PUDP: variants seen among roughly 807,000 people sequenced by gnomAD.
PUDP encodes the protein pseudouridine-5'-phosphatase.
In PUDP, 8 loss-of-function variants were observed where a neutral mutation model predicts 9.4. The observed-to-expected ratio is 0.85, with a 90% CI of 0.50 to 1.53. The LOEUF is 1.53. Among genes scored for constraint, PUDP ranks in the 40% most tolerant of loss-of-function variants. PUDP has a pLI of 0.00. For missense variants in PUDP, 188 were observed against 189.7 expected (o/e 0.99, Z 0.05); for synonymous variants, 99 against 80.7 (o/e 1.23, Z -1.22).
Position 6,731,310 on chromosome X carries a change from C to T in PUDP, c.*248-24844G>A, listed in dbSNP as rs188645456. On this transcript the variant is annotated intron_variant and NMD_transcript_variant, in intron 3 of 3. Coordinates refer to the PUDP transcript ENST00000655425. Reference sequence around the variant, plus strand: ...CTGATCTTGACCTACTGGCCTCAAACAATCCTCTCACCACAGCCTCCCAAA... The same window carrying T: ...CTGATCTTGACCTACTGGCCTCAAATAATCCTCTCACCACAGCCTCCCAAA... Among the ~76,000 whole-genome samples, 4 of 111,505 alleles carry T rather than the reference C, an allele frequency of 3.6e-5. No homozygotes were observed. In the East Asian group the frequency reaches 8.5e-4, roughly 24 times the overall value.
At chrX:6,719,385 G>A (rs1052691561) in intron 1 of PUDP, among the ~76,000 whole-genome samples, 1 of 111,819 alleles carries the variant, frequency 8.9e-6, no homozygotes, top group African/African-American at 3.3e-5. Context: ...GTCACATTGC[G>A]GGGTAGGGCT....
At chrX:6,916,941 A>T (rs1927945169) in intron 3 of PUDP, among the ~76,000 whole-genome samples, 1 of 112,330 alleles carries the variant, frequency 8.9e-6, no homozygotes, top group Non-Finnish European at 1.9e-5. Context: ...TTCTATATCT[A>T]TGCAGATGTT....
At chrX:6,998,738 T>C (rs1439973087) in intron 1 of PUDP, among the ~76,000 whole-genome samples, 2 of 112,269 alleles carry the variant, frequency 1.8e-5, no homozygotes, top group Non-Finnish European at 3.8e-5. Flanking sequence ...TGATTAACCA[T>C]GTAACTTTGG....
intron 3 of PUDP, among the ~76,000 whole-genome samples, chrX:6,842,228 A>G (rs181635065): frequency 9.5e-4 from 107 of 112,366 alleles, no homozygotes; most frequent in African/African-American, 3.2e-3. Context: ...ATATGTTACT[A>G]TTATGAAAAA....
intron 3 of PUDP, among the ~76,000 whole-genome samples, chrX:6,728,593 C>T (rs1021385144): frequency 1.8e-5 from 2 of 111,513 alleles, no homozygotes; most frequent in Non-Finnish European, 3.8e-5. Context: ...TGTGACTTGC[C>T]GAAAGTCACG....
intron 1 of PUDP, among the ~76,000 whole-genome samples, chrX:7,124,947 CA>C (rs1339714732): frequency 9.8e-6 from 1 of 102,513 alleles, no homozygotes. Flanking sequence ...GACTCTGTCT[CA>C]AAAAAAAAGT....
intron 3 of PUDP, among the ~76,000 whole-genome samples, chrX:6,964,082 T>C (rs1226540635): frequency 8.9e-6 from 1 of 112,396 alleles, no homozygotes; most frequent in African/African-American, 3.2e-5. Flanking sequence ...TGGGTTGATA[T>C]CTTTATTATA....
intron 1 of PUDP, among the ~76,000 whole-genome samples, chrX:7,015,297 T>C (rs1212708213): frequency 2.7e-5 from 3 of 111,781 alleles, no homozygotes; most frequent in Non-Finnish European, 5.6e-5. Context: ...TGGACAGCCA[T>C]GTAGAAATAG....
chrX:6,855,771 C>G (rs1251672053), intron 3 of PUDP, among the ~76,000 whole-genome samples: 1 of 111,534 alleles, frequency 9.0e-6, no homozygotes, highest in Non-Finnish European at 1.9e-5. Flanking sequence ...GCCAAGGTTT[C>G]CTGATTTGCA....
intron 3 of PUDP, among the ~76,000 whole-genome samples, chrX:6,730,696 A>T (rs781405768): frequency 7.2e-4 from 81 of 112,358 alleles, no homozygotes; most frequent in African/African-American, 2.4e-3. Context: ...TGAATAAGTA[A>T]GAGTTATCCA....
intron 1 of PUDP, among the ~76,000 whole-genome samples, chrX:7,108,451 G>T (rs1185459135): frequency 9.0e-6 from 1 of 111,118 alleles, no homozygotes; most frequent in African/African-American, 3.3e-5. Flanking sequence ...CTTTTGGGTG[G>T]CCCCTGCCCT....
At chrX:6,939,521 A>G (rs1267610825) in intron 3 of PUDP, among the ~76,000 whole-genome samples, 1 of 109,808 alleles carries the variant, frequency 9.1e-6, no homozygotes, top group African/African-American at 3.3e-5. Flanking sequence ...CTTATAAAAA[A>G]GACATATTTA....
chrX:6,924,147 A>T (rs1457382936), intron 3 of PUDP, among the ~76,000 whole-genome samples: 2 of 111,604 alleles, frequency 1.8e-5, no homozygotes, highest in Non-Finnish European at 3.8e-5. Flanking sequence ...CTTTGTTGAT[A>T]CGTCCTTCTT....
chrX:6,995,913 T>TA (rs1929244537), intron 1 of PUDP, among the ~76,000 whole-genome samples: 2 of 107,114 alleles, frequency 1.9e-5, no homozygotes, highest in Non-Finnish European at 1.9e-5. Flanking sequence ...GCCAGAGAGT[T>TA]AACAGTTCTT....
chrX:6,992,628 T>C (rs1039115180), intron 1 of PUDP, among the ~76,000 whole-genome samples: 4 of 110,487 alleles, frequency 3.6e-5, no homozygotes, highest in Admixed American at 9.6e-5. Flanking sequence ...CAGTGGGGTG[T>C]AGGAAGAACG....
chrX:7,146,891 G>A (rs1189519176), intron 1 of PUDP, among the ~76,000 whole-genome samples: 1 of 97,386 alleles, frequency 1.0e-5, no homozygotes, highest in African/African-American at 3.8e-5. Context: ...CTCCTAACTT[G>A]CAGGGTTTTG....
intron 3 of PUDP, among the ~76,000 whole-genome samples, chrX:6,748,646 T>G (rs1023752868): frequency 8.9e-6 from 1 of 111,953 alleles, no homozygotes; most frequent in African/African-American, 3.2e-5. Context: ...TTTTTCAATC[T>G]TGACACATGC....
At chrX:7,108,631 C>T (rs938919387) in intron 1 of PUDP, among the ~76,000 whole-genome samples, 2 of 112,663 alleles carry the variant, frequency 1.8e-5, no homozygotes, top group African/African-American at 6.5e-5. Flanking sequence ...GGCAAATCCA[C>T]CCACAGCTGC....
At chrX:6,814,695 C>T (rs1228474307) in intron 3 of PUDP, among the ~76,000 whole-genome samples, 3 of 111,652 alleles carry the variant, frequency 2.7e-5, no homozygotes, top group Non-Finnish European at 3.8e-5. Context: ...TTAATTCTGA[C>T]GTGAGTAATT....
Sources: gnomAD v4.1 joint callset for allele counts (sites outside exome capture counted in the v4.1 genomes callset) on GRCh38, gnomAD v4.1.1 for gene constraint, MANE v1.5 for transcripts, NCBI Gene and HGNC (gene_info 2026-07-23, HGNC 2026-07-21) for gene names.